Variants in GLRA2 observed in about 807,000 individuals in gnomAD.
The protein encoded by GLRA2 is glycine receptor subunit alpha-2.
Under a neutral mutation model 31.6 loss-of-function variants are expected in GLRA2, and 11 were observed. That is an observed-to-expected ratio of 0.35 (90% confidence interval 0.22 to 0.58). The LOEUF is 0.58. Among genes scored for constraint, GLRA2 ranks in the 20% least tolerant of loss-of-function variants. The pLI, the probability that GLRA2 is intolerant of heterozygous loss-of-function variation, is 0.84. For missense variants in GLRA2, 212 were observed against 351.8 expected (o/e 0.60, Z 3.18); for synonymous variants, 132 against 134.0 (o/e 0.99, Z 0.10).
intron 7 of GLRA2, among the ~76,000 whole-genome samples, chrX:14,688,195 G>T (rs751405470): frequency 4.9e-4 from 54 of 111,164 alleles, no homozygotes; most frequent in Non-Finnish European, 7.2e-4. Context: ...GCCATGTGAG[G>T]TGTCAATCTA....
chrX:14,673,948 T>A (rs1466268696), intron 7 of GLRA2, among the ~76,000 whole-genome samples: 1 of 112,449 alleles, frequency 8.9e-6, no homozygotes, highest in African/African-American at 3.2e-5. Context: ...TCAGATGTTG[T>A]CATCTGGTGT....
intron 8 of GLRA2, among the ~76,000 whole-genome samples, chrX:14,723,445 A>G (rs1362530470): frequency 2.7e-5 from 3 of 112,145 alleles, no homozygotes; most frequent in Non-Finnish European, 5.6e-5. Context: ...TCTTGGATTC[A>G]CTTTTGCGTT....
the GLRA2 span, among the ~76,000 whole-genome samples, chrX:14,460,407 C>T: frequency 8.9e-6 from 1 of 111,785 alleles, no homozygotes; most frequent in Non-Finnish European, 1.9e-5. Flanking sequence ...AGGGAGGATT[C>T]CCTCTTTTTC....
chrX:14,687,391 A>C (rs774169022), intron 7 of GLRA2, among the ~76,000 whole-genome samples: 1 of 112,107 alleles, frequency 8.9e-6, no homozygotes, highest in East Asian at 2.8e-4. Flanking sequence ...TAATATCCTG[A>C]AGAGTGTTTT....
the GLRA2 span, among the ~76,000 whole-genome samples, chrX:14,506,870 A>G: frequency 2.7e-5 from 3 of 111,877 alleles, no homozygotes; most frequent in African/African-American, 6.5e-5. Flanking sequence ...CCTTAAAAGG[A>G]TCAGGACCAG....
At chrX:14,491,532 T>A in the GLRA2 span, among the ~76,000 whole-genome samples, 2 of 112,287 alleles carry the variant, frequency 1.8e-5, no homozygotes, top group Non-Finnish European at 3.8e-5. Context: ...TTCTAATCAG[T>A]GGTTCTTAAA....
intron 7 of GLRA2, among the ~76,000 whole-genome samples, chrX:14,623,252 G>A (rs186824955): frequency 0.028 from 3,081 of 111,679 alleles, 68 homozygotes; most frequent in African/African-American, 0.077. Flanking sequence ...ATTTTGGGCT[G>A]AGACAATGGG....
chrX:14,635,855 G>A (rs1295122709), intron 7 of GLRA2, among the ~76,000 whole-genome samples: 2 of 110,958 alleles, frequency 1.8e-5, no homozygotes, highest in African/African-American at 3.3e-5. Flanking sequence ...CCCAAATCAT[G>A]GGGATCAAAC....
chrX:14,519,095 CTTATG>C, the GLRA2 span, among the ~76,000 whole-genome samples: 20 of 104,025 alleles, frequency 1.9e-4, no homozygotes, highest in African/African-American at 7.0e-4. Context: ...TTTTTTGTGT[CTTATG>C]TTATCTGTGG....
At chrX:14,625,500 C>T (rs907773486) in intron 7 of GLRA2, among the ~76,000 whole-genome samples, 6 of 111,313 alleles carry the variant, frequency 5.4e-5, no homozygotes, top group Admixed American at 9.6e-5. Flanking sequence ...TGTTCCTTTC[C>T]ATGTTTAGTG....
intron 8 of GLRA2, among the ~76,000 whole-genome samples, chrX:14,721,077 G>A (rs2091858413): frequency 9.5e-6 from 1 of 104,986 alleles, no homozygotes; most frequent in Non-Finnish European, 1.9e-5. Context: ...CTGTGATCAT[G>A]GCACTGCACT....
the GLRA2 span, among the ~76,000 whole-genome samples, chrX:14,523,745 A>G: frequency 8.9e-6 from 1 of 111,760 alleles, no homozygotes; most frequent in Non-Finnish European, 1.9e-5. Context: ...CACATACAAC[A>G]TTGATCGATT....
intron 2 of GLRA2, among the ~76,000 whole-genome samples, chrX:14,539,859 T>C (rs183818526): frequency 0.01 from 1,123 of 111,766 alleles, 7 homozygotes; most frequent in Middle Eastern, 0.028. Context: ...CATATTTTCT[T>C]GTGGGGAAGA....
intron 7 of GLRA2, among the ~76,000 whole-genome samples, chrX:14,631,688 C>G (rs1292393658): frequency 9.3e-6 from 1 of 107,417 alleles, no homozygotes; most frequent in African/African-American, 3.4e-5. Flanking sequence ...TCTGTTTTCT[C>G]TAATTCTTTT....
rs192033803 is a variant in GLRA2, at chrX:14,688,393, C to T, written c.931-2317C>T. ...CCTTTTGTTTGGCTATGCCCTGCCC[C>T]GAGAGGTGGAGTCTACAGAGTCAGG... is the stretch of plus-strand genomic sequence containing the variant. On this transcript the variant is annotated intron_variant, in intron 7 of 8. Transcript: ENST00000218075. Among the ~76,000 whole-genome samples, 549 of 111,579 alleles carry T rather than the reference C, an allele frequency of 4.9e-3. 8 individuals are homozygous for T. The highest frequency in any genetic ancestry group is 0.02 in the East Asian group (69 of 3,507).
intron 8 of GLRA2, among the ~76,000 whole-genome samples, chrX:14,691,253 G>C (rs981246337): frequency 2.9e-5 from 3 of 104,865 alleles, no homozygotes; most frequent in Non-Finnish European, 5.8e-5. Flanking sequence ...TTAAAATCCT[G>C]GTTCTTCTAA....
chrX:14,658,308 C>T (rs1432949164), intron 7 of GLRA2, among the ~76,000 whole-genome samples: 1 of 111,604 alleles, frequency 9.0e-6, no homozygotes, highest in Non-Finnish European at 1.9e-5. Context: ...GTTAGGCTGC[C>T]TCCTGGCCAT....
chrX:14,592,120 T>C (rs760824988), intron 4 of GLRA2, among the ~76,000 whole-genome samples: 3 of 111,385 alleles, frequency 2.7e-5, no homozygotes, highest in Non-Finnish European at 5.6e-5. Context: ...ATTATAAGTC[T>C]GTAACTCAAA....
intron 2 of GLRA2, among the ~76,000 whole-genome samples, chrX:14,564,288 A>G (rs1034463139): frequency 9.0e-6 from 1 of 110,586 alleles, no homozygotes; most frequent in Non-Finnish European, 1.9e-5. Flanking sequence ...CATAAGGGCC[A>G]GAAGACAATG....
Sources: gnomAD v4.1 joint callset for allele counts (sites outside exome capture counted in the v4.1 genomes callset) on GRCh38, gnomAD v4.1.1 for gene constraint, MANE v1.5 for transcripts, NCBI Gene and HGNC (gene_info 2026-07-23, HGNC 2026-07-21) for gene names.